NRXN3: variants seen among roughly 807,000 people sequenced by gnomAD.
NRXN3 encodes neurexin III.
NRXN3 carries 32 observed loss-of-function variants against 137.6 expected under a neutral mutation model. That is an observed-to-expected ratio of 0.23 (90% CI 0.18 to 0.31). NRXN3 has a LOEUF of 0.31. Ranked by LOEUF, NRXN3 falls within the 10% of genes least tolerant of loss-of-function variation. The pLI, the probability that NRXN3 is intolerant of heterozygous loss-of-function variation, is 1.00. For synonymous variants in NRXN3, 798 were observed against 784.5 expected (o/e 1.02, Z -0.29); for missense variants, 1,574 against 2,062.5 (o/e 0.76, Z 4.59).
At chr14:79,788,079 A>G (rs1045378962) in intron 19 of NRXN3, among the ~76,000 whole-genome samples, 1 of 152,156 alleles carries the variant, frequency 6.6e-6, no homozygotes, top group Non-Finnish European at 1.5e-5. Flanking sequence ...GGGCCTCACA[A>G]TCATGGTGGA....
At chr14:78,610,997 G>T (rs1279301814) in intron 4 of NRXN3, among the ~76,000 whole-genome samples, 2 of 152,084 alleles carry the variant, frequency 1.3e-5, no homozygotes, top group Non-Finnish European at 2.9e-5. Context: ...CCCTGCCCCT[G>T]GCCCTTGGCC....
At chr14:79,514,758 G>A (rs546549714) in intron 16 of NRXN3, among the ~76,000 whole-genome samples, 1 of 152,238 alleles carries the variant, frequency 6.6e-6, no homozygotes, top group Admixed American at 6.5e-5. Context: ...CAGCACAATA[G>A]AAGCTTCAGG....
intron 8 of NRXN3, among the ~76,000 whole-genome samples, chr14:78,735,713 A>G (rs562960654): frequency 1.3e-5 from 2 of 152,168 alleles, no homozygotes; most frequent in East Asian, 3.9e-4. Context: ...GGGACAGTTG[A>G]TATCTTTAAT....
chr14:78,197,011 C>T (rs903504780), intron 1 of NRXN3, among the ~76,000 whole-genome samples: 2 of 152,176 alleles, frequency 1.3e-5, no homozygotes, highest in African/African-American at 4.8e-5. Context: ...CCAGTGGGAG[C>T]CATGTGTCAT....
chr14:78,885,519 G>T (rs994983788), intron 10 of NRXN3, among the ~76,000 whole-genome samples: 1 of 152,046 alleles, frequency 6.6e-6, no homozygotes, highest in Non-Finnish European at 1.5e-5. Flanking sequence ...ATTTTTAAGT[G>T]AATAACAGCT....
intron 4 of NRXN3, among the ~76,000 whole-genome samples, chr14:78,327,425 T>G (rs182511241): frequency 1.3e-5 from 2 of 152,282 alleles, no homozygotes; most frequent in East Asian, 3.9e-4. Flanking sequence ...TTTTAGCTTC[T>G]TAGGAGCTTT....
intron 16 of NRXN3, among the ~76,000 whole-genome samples, chr14:79,603,242 T>G (rs1277947774): frequency 1.3e-5 from 2 of 148,358 alleles, no homozygotes; most frequent in Non-Finnish European, 3.0e-5. Flanking sequence ...TCCATTCCAT[T>G]GGCCAGAGGG....
intron 6 of NRXN3, among the ~76,000 whole-genome samples, chr14:78,656,270 C>G (rs1372311573): frequency 6.6e-6 from 1 of 152,126 alleles, no homozygotes; most frequent in Non-Finnish European, 1.5e-5. Flanking sequence ...ATGAGGCATT[C>G]TTAGTTACAA....
intron 16 of NRXN3, among the ~76,000 whole-genome samples, chr14:79,512,178 C>T (rs988675836): frequency 4.6e-5 from 7 of 152,212 alleles, no homozygotes; most frequent in Non-Finnish European, 7.4e-5. Context: ...AAATTACAGG[C>T]GAGAGCCACT....
chr14:78,879,617 G>C (rs1251663299), intron 10 of NRXN3, among the ~76,000 whole-genome samples: 1 of 152,112 alleles, frequency 6.6e-6, no homozygotes, highest in South Asian at 2.1e-4. Flanking sequence ...ATATATTTTA[G>C]ATATTAACCC....
chr14:78,488,659 T>C (rs531284574), intron 4 of NRXN3, among the ~76,000 whole-genome samples: 59 of 151,574 alleles, frequency 3.9e-4, no homozygotes, highest in Non-Finnish European at 6.9e-4. Context: ...TTTTCATGTT[T>C]GTTGGAGGAA....
Position 79,384,123 on chromosome 14 carries a change from A to G in NRXN3, c.3263-83098A>G, listed in dbSNP as rs145547805. Among the ~76,000 whole-genome samples the G allele has an allele frequency of 1.1e-4, 16 of 152,234 alleles. 1 individual carries two copies. The East Asian group carries it at 3.1e-3, about 29-fold the overall frequency. ...TCCCCCACTCCCACTTCTTATTTCT[A>G]TGTGGTTTGGTTCATATAACCATTT... On this transcript the variant is annotated intron_variant, in intron 15 of 20. Coordinates refer to ENST00000335750, the MANE Select transcript of NRXN3 (RefSeq NM_001330195.2).
At chr14:79,536,914 G>T (rs550298261) in intron 16 of NRXN3, among the ~76,000 whole-genome samples, 1 of 152,196 alleles carries the variant, frequency 6.6e-6, no homozygotes, top group Admixed American at 6.5e-5. Flanking sequence ...GTGCTCCAAT[G>T]AACATATGTG....
chr14:78,689,570 T>C (rs2098152107), intron 6 of NRXN3, among the ~76,000 whole-genome samples: 4 of 152,158 alleles, frequency 2.6e-5, no homozygotes, highest in Admixed American at 2.6e-4. Flanking sequence ...AGACCACAAA[T>C]ATATGGTATC....
chr14:78,197,309 C>T (rs192568991), intron 1 of NRXN3, among the ~76,000 whole-genome samples: 40 of 152,360 alleles, frequency 2.6e-4, no homozygotes, highest in Non-Finnish European at 4.0e-4. Context: ...AGCTTGGCTG[C>T]ATGCCAGCAT....
intron 1 of NRXN3, among the ~76,000 whole-genome samples, chr14:78,194,587 C>CA (rs1396051298): frequency 6.6e-6 from 1 of 152,126 alleles, no homozygotes; most frequent in Non-Finnish European, 1.5e-5. Context: ...GAAGGGAGGA[C>CA]CCGCTCATCT....
intron 4 of NRXN3, among the ~76,000 whole-genome samples, chr14:78,524,602 A>G (rs1017402038): frequency 1.8e-4 from 27 of 152,182 alleles, no homozygotes; most frequent in African/African-American, 6.3e-4. Context: ...TTTTTCTGCC[A>G]GTCTATAGAA....
intron 4 of NRXN3, among the ~76,000 whole-genome samples, chr14:78,435,689 C>G (rs563087678): frequency 6.6e-6 from 1 of 152,282 alleles, no homozygotes; most frequent in Admixed American, 6.5e-5. Context: ...TTTCATCTCC[C>G]ACCCAGAATA....
chr14:78,223,876 A>G lies in NRXN3; in HGVS notation c.-703-18515A>G, dbSNP rs528518404. On this transcript the variant is annotated intron_variant, in intron 1 of 20. Coordinates refer to ENST00000335750, the MANE Select transcript of NRXN3 (RefSeq NM_001330195.2). The stretch of plus-strand genomic sequence containing the variant: ...ACATTCTCACTCTTTTGGATTATAT[A>G]TCTGGATAGGATGTGGCTTCAGGTA... 5.3e-5 allele frequency among the ~76,000 whole-genome samples: 8 copies of G among 152,296 alleles called. No homozygotes were observed. In the South Asian group the frequency reaches 1.2e-3, roughly 24 times the overall value.
Sources: gnomAD v4.1 joint callset for allele counts (sites outside exome capture counted in the v4.1 genomes callset) on GRCh38, gnomAD v4.1.1 for gene constraint, MANE v1.5 for transcripts, NCBI Gene and HGNC (gene_info 2026-07-23, HGNC 2026-07-21) for gene names.